HECTD2: variants seen among roughly 807,000 people sequenced by gnomAD.
HECTD2 encodes the protein HECT domain E3 ubiquitin protein ligase 2.
In HECTD2, 35 loss-of-function variants were observed where a neutral mutation model predicts 103.2. The ratio of observed to expected loss-of-function variants is 0.34; its 90% CI spans 0.26 to 0.45. The LOEUF is 0.45. Among genes scored for constraint, HECTD2 ranks in the 20% least tolerant of loss-of-function variants. HECTD2 has a pLI of 1.00. For missense variants in HECTD2, 596 were observed against 937.4 expected (o/e 0.64, Z 4.76); for synonymous variants, 281 against 329.9 (o/e 0.85, Z 1.61).
intron 2 of HECTD2, among the ~76,000 whole-genome samples, chr10:91,429,845 AT>A (rs1410912684): frequency 5.3e-5 from 8 of 151,938 alleles, no homozygotes; most frequent in African/African-American, 1.9e-4. Flanking sequence ...GGATTCATTA[AT>A]TTTTTGAAGG....
At chr10:91,426,989 A>C (rs1392807876) in intron 2 of HECTD2, among the ~76,000 whole-genome samples, 1 of 123,656 alleles carries the variant, frequency 8.1e-6, no homozygotes, top group Non-Finnish European at 1.7e-5. Flanking sequence ...TCCTAATGCT[A>C]TCCCTCCCCC....
At chr10:91,468,003 C>G (rs1168578303) in intron 5 of HECTD2, among the ~76,000 whole-genome samples, 2 of 152,230 alleles carry the variant, frequency 1.3e-5, no homozygotes, top group Non-Finnish European at 2.9e-5. Flanking sequence ...GAGCATGGAG[C>G]AATGCCACAA....
chr10:91,431,089 C>T (rs372881382), intron 2 of HECTD2, among the ~76,000 whole-genome samples: 7 of 151,162 alleles, frequency 4.6e-5, no homozygotes, highest in Non-Finnish European at 8.8e-5. Flanking sequence ...TGACAAAATC[C>T]CTCAGCATTT....
chr10:91,451,136 G>C (rs977989130), intron 2 of HECTD2, among the ~76,000 whole-genome samples: 18 of 152,134 alleles, frequency 1.2e-4, no homozygotes, highest in Non-Finnish European at 2.1e-4. Flanking sequence ...GCCCGTCAAT[G>C]ATAGACTGGA....
chr10:91,445,019 G>C (rs968197590), intron 2 of HECTD2, among the ~76,000 whole-genome samples: 1 of 152,118 alleles, frequency 6.6e-6, no homozygotes, highest in African/African-American at 2.4e-5. Flanking sequence ...TAAGGGCTGT[G>C]GTAGGGGTTG....
intron 1 of HECTD2, among the ~76,000 whole-genome samples, chr10:91,420,289 A>AT (rs557392740): frequency 1.3e-5 from 2 of 152,102 alleles, no homozygotes; most frequent in East Asian, 1.9e-4. Flanking sequence ...ACAAAAAAAA[A>AT]AAAAAAGAAA....
intron 2 of HECTD2, among the ~76,000 whole-genome samples, chr10:91,434,452 C>G (rs1844028302): frequency 6.6e-6 from 1 of 152,006 alleles, no homozygotes; most frequent in Non-Finnish European, 1.5e-5. Flanking sequence ...ACCAATGTGA[C>G]CTTAAACAGA....
intron 1 of HECTD2, among the ~76,000 whole-genome samples, chr10:91,413,501 A>G (rs566956089): frequency 6.6e-6 from 1 of 152,376 alleles, no homozygotes; most frequent in South Asian, 2.1e-4. Flanking sequence ...TAAAGCCATC[A>G]TTATCCAGGC....
chr10:91,507,251 CAT>C (rs1296335609), intron 20 of HECTD2, among the ~76,000 whole-genome samples: 6 of 151,016 alleles, frequency 4.0e-5, no homozygotes, highest in Non-Finnish European at 8.8e-5. Flanking sequence ...TCCTATTCAA[CAT>C]AGTGTTGGAA....
intron 1 of HECTD2, among the ~76,000 whole-genome samples, chr10:91,415,748 T>C (rs1843102071): frequency 1.3e-5 from 2 of 152,068 alleles, no homozygotes; most frequent in East Asian, 3.9e-4. Flanking sequence ...AAAAAGAGCA[T>C]GTTGTCCAGT....
chr10:91,443,409 G>C (rs1844446234), intron 2 of HECTD2, among the ~76,000 whole-genome samples: 1 of 149,672 alleles, frequency 6.7e-6, no homozygotes, highest in Non-Finnish European at 1.5e-5. Context: ...GCACAGCAGA[G>C]GCTGCAGAAC....
At chr10:91,447,732 C>A (rs1215456276) in intron 2 of HECTD2, among the ~76,000 whole-genome samples, 83 of 41,086 alleles carry the variant, frequency 2.0e-3, no homozygotes, top group Middle Eastern at 0.018. Flanking sequence ...AAAAAAAAAG[C>A]AAGGGTTGCA....
intron 1 of HECTD2, among the ~76,000 whole-genome samples, chr10:91,416,196 C>T (rs73316216): frequency 0.2 from 30,511 of 152,028 alleles, 7,263 homozygotes; most frequent in African/African-American, 0.58. Context: ...AAGTCAAGTA[C>T]GATTCTGCTT....
intron 5 of HECTD2, among the ~76,000 whole-genome samples, chr10:91,466,329 G>A (rs1166105323): frequency 6.6e-6 from 1 of 151,802 alleles, no homozygotes; most frequent in African/African-American, 2.4e-5. Flanking sequence ...CTGGCTAGAG[G>A]CTTATCACTT....
chr10:91,498,865 C>T lies in HECTD2; in HGVS notation c.1756-7C>T. On this transcript the variant is annotated splice_polypyrimidine_tract_variant and splice_region_variant and intron_variant, in intron 16 of 20. Transcript: ENST00000298068. The stretch of plus-strand genomic sequence containing the variant: ...ATATTAATATGTGTAATGGCATCTC[C>T]CATCAGGTTTTTCAAGAAGAATTTG... The T allele has an allele frequency of 6.5e-7, 1 of 1,534,002 alleles. No individual in the cohort carries two copies. The highest frequency in any genetic ancestry group is 9.0e-7 in the Non-Finnish European group (1 of 1,112,660).
At position 91,512,476 on chromosome 10, in the gene HECTD2, T is replaced by G. The variant is rs140079267; in HGVS notation, c.*92T>G. The G allele has an allele frequency of 0.016, 18,877 of 1,163,478 alleles. 248 individuals carry two copies. Among genetic ancestry groups the G allele is most frequent in the Middle Eastern group, 0.059 (282 of 4,782 alleles). The allele number at this position is 1,163,478 out of a possible 1,614,324, so 72.1% of individuals were successfully genotyped here. On this transcript the variant is annotated 3_prime_UTR_variant, in exon 21 of 21. Coordinates refer to ENST00000298068, the MANE Select transcript of HECTD2 (RefSeq NM_182765.6). ...TTTTCATGTTTCTGTCTCAAAACAC[T>G]TTGACAAAGCTCACCAACTTTAAAA... is the stretch of plus-strand genomic sequence containing the variant.
intron 20 of HECTD2, among the ~76,000 whole-genome samples, chr10:91,510,751 T>A (rs1847390350): frequency 6.6e-6 from 1 of 152,228 alleles, no homozygotes; most frequent in African/African-American, 2.4e-5. Flanking sequence ...TTTTCTTTGC[T>A]TTGTTATTTG....
chr10:91,476,905 G>C (rs1230745118), intron 5 of HECTD2, among the ~76,000 whole-genome samples: 1 of 142,572 alleles, frequency 7.0e-6, no homozygotes, highest in Non-Finnish European at 1.5e-5. Context: ...TCCGGGCCGG[G>C]CGCGGTGGCT....
At chr10:91,468,110 A>G (rs1393684863) in intron 5 of HECTD2, among the ~76,000 whole-genome samples, 1 of 152,162 alleles carries the variant, frequency 6.6e-6, no homozygotes, top group Admixed American at 6.5e-5. Flanking sequence ...CATGGATCCA[A>G]CTGCCACTAC....
Sources: allele counts gnomAD v4.1 joint callset (sites outside exome capture counted in the v4.1 genomes callset), GRCh38; gene constraint gnomAD v4.1.1; transcripts MANE v1.5; gene names NCBI Gene and HGNC (gene_info 2026-07-23, HGNC 2026-07-21).